CADM2: variants seen among roughly 807,000 people sequenced by gnomAD.
CADM2 encodes cell adhesion molecule 2, also known as immunoglobulin superfamily member 4D.
Under a neutral mutation model 49.8 loss-of-function variants are expected in CADM2, and 12 were observed. That is an observed-to-expected ratio of 0.24 (90% CI 0.15 to 0.39). The LOEUF is 0.39. Among genes scored for constraint, CADM2 ranks in the 10% least tolerant of loss-of-function variants. The pLI is 1.00. For synonymous variants in CADM2, 214 were observed against 175.4 expected, an observed-to-expected ratio of 1.22 and a Z score of -1.74; for missense variants, 378 against 492.3, an observed-to-expected ratio of 0.77 and a Z score of 2.20.
At chr3:85,684,855 A>G (rs1028663621) in intron 1 of CADM2, among the ~76,000 whole-genome samples, 2 of 152,220 alleles carry the variant, frequency 1.3e-5, no homozygotes, top group East Asian at 1.9e-4. Context: ...TTATGGGGCT[A>G]CAATTCAAGA....
intron 1 of CADM2, among the ~76,000 whole-genome samples, chr3:85,324,401 A>G (rs1357289176): frequency 1.3e-5 from 2 of 152,136 alleles, no homozygotes; most frequent in Admixed American, 1.3e-4. Flanking sequence ...CCTCTTCTTA[A>G]TGATTGTATC....
intron 1 of CADM2, among the ~76,000 whole-genome samples, chr3:85,515,428 T>TTC (rs1342393912): frequency 4.0e-5 from 6 of 148,766 alleles, no homozygotes; most frequent in Admixed American, 4.0e-4. Context: ...TTTGTTTCTT[T>TTC]TTTTTTTTAT....
chr3:85,178,557 C>G (rs1283867179), intron 1 of CADM2, among the ~76,000 whole-genome samples: 1 of 151,730 alleles, frequency 6.6e-6, no homozygotes, highest in African/African-American at 2.4e-5. Flanking sequence ...TACATACTTT[C>G]TTGATTCTGG....
chr3:85,347,844 G>T (rs2030903355), intron 1 of CADM2, among the ~76,000 whole-genome samples: 1 of 149,010 alleles, frequency 6.7e-6, no homozygotes, highest in South Asian at 2.1e-4. Context: ...GTCTCGCTCT[G>T]TCGCCCAGGC....
chr3:85,125,087 G>T (rs950476684), intron 1 of CADM2, among the ~76,000 whole-genome samples: 1 of 152,106 alleles, frequency 6.6e-6, no homozygotes, highest in African/African-American at 2.4e-5. Flanking sequence ...GAAACATTAA[G>T]GCCATCTTAG....
intron 1 of CADM2, among the ~76,000 whole-genome samples, chr3:85,620,405 A>T (rs1371731710): frequency 6.6e-6 from 1 of 152,056 alleles, no homozygotes; most frequent in African/African-American, 2.4e-5. Context: ...TATAAAGATG[A>T]TAGGTACATA....
chr3:85,565,565 A>G (rs1031231140), intron 1 of CADM2, among the ~76,000 whole-genome samples: 1 of 152,106 alleles, frequency 6.6e-6, no homozygotes, highest in Non-Finnish European at 1.5e-5. Context: ...TCCACCATAA[A>G]AAAATACCTT....
At chr3:85,160,818 A>C (rs770847075) in intron 1 of CADM2, among the ~76,000 whole-genome samples, 3 of 152,054 alleles carry the variant, frequency 2.0e-5, no homozygotes, top group African/African-American at 2.4e-5. Context: ...TAATAATTGG[A>C]AGTGTTTTCC....
intron 3 of CADM2, among the ~76,000 whole-genome samples, chr3:85,863,749 G>A (rs1430530930): frequency 1.3e-5 from 2 of 152,202 alleles, no homozygotes; most frequent in South Asian, 2.1e-4. Flanking sequence ...GGTCACAAAT[G>A]TGCCACCAAA....
chr3:85,740,551 C>G (rs572057565), intron 2 of CADM2, among the ~76,000 whole-genome samples: 76 of 146,634 alleles, frequency 5.2e-4, no homozygotes, highest in African/African-American at 1.7e-3. Flanking sequence ...TTTATTCTCC[C>G]TCTTTTTTTG....
chr3:85,999,034 A>T (rs749973185), intron 8 of CADM2, among the ~76,000 whole-genome samples: 1 of 152,170 alleles, frequency 6.6e-6, no homozygotes, highest in African/African-American at 2.4e-5. Context: ...TGGAAAAAAA[A>T]TAATGTATTC....
intron 1 of CADM2, among the ~76,000 whole-genome samples, chr3:85,237,104 C>T (rs2042424510): frequency 6.6e-6 from 1 of 151,950 alleles, no homozygotes; most frequent in Non-Finnish European, 1.5e-5. Flanking sequence ...GTAATTTGCT[C>T]AAGGCCACAC....
chr3:85,570,261 T>C (rs1042678452), intron 1 of CADM2, among the ~76,000 whole-genome samples: 1 of 152,172 alleles, frequency 6.6e-6, no homozygotes, highest in Non-Finnish European at 1.5e-5. Flanking sequence ...AATTTTTTAA[T>C]GATCCCAACA....
chr3:85,863,734 A>G lies in CADM2; in HGVS notation c.239-19557A>G, dbSNP rs76682998. On this transcript the variant is annotated intron_variant, in intron 3 of 9. Transcript: ENST00000383699. Reference sequence around the variant, plus strand: ...CGAAAAATGATTGAAACAGAAAGTGATCTTGGTCACAAATGTGCCACCAAA... The same window carrying G: ...CGAAAAATGATTGAAACAGAAAGTGGTCTTGGTCACAAATGTGCCACCAAA... 2.1e-3 allele frequency among the ~76,000 whole-genome samples: 319 copies of G among 152,306 alleles called. 3 individuals carry two copies. In the East Asian group the frequency reaches 0.021, roughly 10 times the overall value.
At chr3:85,562,851 C>G (rs1228493829) in intron 1 of CADM2, among the ~76,000 whole-genome samples, 3 of 152,010 alleles carry the variant, frequency 2.0e-5, no homozygotes, top group African/African-American at 7.2e-5. Flanking sequence ...CCGTTTTATT[C>G]TTCTTTGGGA....
intron 1 of CADM2, among the ~76,000 whole-genome samples, chr3:85,413,428 C>T (rs2035768186): frequency 6.6e-6 from 1 of 151,978 alleles, no homozygotes; most frequent in South Asian, 2.1e-4. Context: ...ATGTACTGAT[C>T]TCTTCTCATA....
At chr3:85,153,811 AC>A (rs1034659357) in intron 1 of CADM2, among the ~76,000 whole-genome samples, 6 of 152,012 alleles carry the variant, frequency 3.9e-5, no homozygotes, top group African/African-American at 7.3e-5. Context: ...ACTGGGAGGC[AC>A]CCCCCAGCAG....
At chr3:86,014,724 A>G in intron 8 of CADM2, 1 of 1,514,366 alleles carries the variant, frequency 6.6e-7, no homozygotes, top group Non-Finnish European at 8.9e-7. Flanking sequence ...CATGTGTAGA[A>G]GTGACTTACC....
intron 7 of CADM2, among the ~76,000 whole-genome samples, chr3:85,942,772 G>A (rs1384149031): frequency 1.3e-5 from 2 of 151,916 alleles, no homozygotes; most frequent in Non-Finnish European, 2.9e-5. Flanking sequence ...CTTTGCTATT[G>A]TGAATAATGT....
Sources: allele counts gnomAD v4.1 joint callset (sites outside exome capture counted in the v4.1 genomes callset), GRCh38; gene constraint gnomAD v4.1.1; transcripts MANE v1.5; gene names NCBI Gene and HGNC (gene_info 2026-07-23, HGNC 2026-07-21).